Variants in NKIRAS2 observed in about 807,000 individuals in gnomAD.
The protein encoded by NKIRAS2 is NFKB inhibitor interacting Ras like 2, also known as NF-kappa-B inhibitor-interacting Ras-like protein 2.
In NKIRAS2, 15 loss-of-function variants were observed where a neutral mutation model predicts 20.7. That is an observed-to-expected ratio of 0.73 (90% CI 0.49 to 1.12). The LOEUF (loss-of-function observed/expected upper bound fraction) is 1.12, where lower values mean the gene tolerates loss of function less well. Among genes scored for constraint, NKIRAS2 ranks in the 50% most tolerant of loss-of-function variants. NKIRAS2 has a pLI of 0.00. For synonymous variants in NKIRAS2, 116 were observed against 101.4 expected (o/e 1.14, Z -0.87); for missense variants, 196 against 249.6 (o/e 0.79, Z 1.45).
At chr17:42,021,764 T>C in intron 2 of NKIRAS2, 93 bp downstream of exon 2, 1 of 1,208,728 alleles carries the variant, frequency 8.3e-7, no homozygotes, top group Non-Finnish European at 1.2e-6. Context: ...AAGCTGCTCC[T>C]GGTGGTTTTC....
At chr17:42,018,072 GGA>G (rs781823242), upstream of NKIRAS2, among the ~76,000 whole-genome samples, 4 of 152,116 alleles carry the variant, frequency 2.6e-5, no homozygotes, top group Non-Finnish European at 5.9e-5. Flanking sequence ...CAGCCGCCTG[GGA>G]GTGCCATCTC....
At chr17:42,020,993 C>T (rs1350395262) in intron 1 of NKIRAS2, 1 of 153,904 alleles carries the variant, frequency 6.5e-6, no homozygotes, top group African/African-American at 2.4e-5. Flanking sequence ...CCTCGGCCTC[C>T]CGAAGTGCTG....
upstream of NKIRAS2, among the ~76,000 whole-genome samples, chr17:42,019,776 A>G (rs1210993606): frequency 6.6e-6 from 1 of 152,222 alleles, no homozygotes; most frequent in Non-Finnish European, 1.5e-5. Context: ...CTCTCAGTAT[A>G]TGGCCCTGCA....
rs782435846 is a variant in NKIRAS2 at position 42,022,511 on chromosome 17, C to T, written c.207C>T (p.Ala69=). Residue 69 remains alanine, a synonymous_variant, in exon 3 of 4, where the codon GCC becomes GCT. Transcript: ENST00000393885. ...ACACCCGGGGGCTCCGAGATGGGGCCGAACTGCCCCGACACTGCTTCTCTT... is the reference window on the plus strand; with the variant it reads ...ACACCCGGGGGCTCCGAGATGGGGCTGAACTGCCCCGACACTGCTTCTCTT... ...FYDTRGLRDG[A]ELPRHCFSCT... 7.4e-6 allele frequency: 12 copies of T among 1,613,936 alleles called. No homozygotes were observed. Among genetic ancestry groups the T allele is most frequent in the South Asian group, 3.3e-5 (3 of 91,086 alleles).
intron 1 of NKIRAS2, chr17:42,021,152 G>T (rs1225900943): frequency 5.5e-6 from 1 of 180,764 alleles, no homozygotes; most frequent in Non-Finnish European, 1.2e-5. Flanking sequence ...GAGGAAGCTG[G>T]GCTGAGCTCC....
At chr17:42,021,869 A>C (rs1555653094) in intron 2 of NKIRAS2, 198 bp downstream of exon 2, 1 of 743,546 alleles carries the variant, frequency 1.3e-6, no homozygotes, top group African/African-American at 1.7e-5. Context: ...GATAGGAAAG[A>C]GAAGCTGTCA....
In NKIRAS2 at chr17:42,022,551, G is replaced by A. The variant is rs781865880; in HGVS notation, c.247G>A (p.Val83Ile). The A allele has an allele frequency of 6.2e-6, 10 of 1,614,020 alleles. No homozygotes were observed. Among genetic ancestry groups the A allele is most frequent in the South Asian group, 2.2e-5 (2 of 91,092 alleles). The change falls in exon 3 of 4, where the codon GTC becomes ATC. Residue 83 changes from valine (V) to isoleucine (I), a missense_variant. Coordinates refer to ENST00000393885, the MANE Select transcript of NKIRAS2 (RefSeq NM_017595.6). ...CTGCTTCTCTTGCACTGATGGCTAC[G>A]TCCTGGTCTATAGCACAGATAGCAG... ...RHCFSCTDGY[V>I]LVYSTDSRES...
intron 1 of NKIRAS2, chr17:42,021,149 C>G (rs1282532179): frequency 2.1e-4 from 37 of 179,362 alleles, no homozygotes; most frequent in Non-Finnish European, 6.1e-5. Context: ...AGAGAGGAAG[C>G]TGGGCTGAGC....
At chr17:42,021,947 C>T (rs555337294) in intron 2 of NKIRAS2, 17 of 622,368 alleles carry the variant, frequency 2.7e-5, no homozygotes, top group Middle Eastern at 3.0e-4. Context: ...CGGTGGATCA[C>T]GCCTGTAATC....
rs782354682 is a variant in NKIRAS2 at position 42,023,773 on chromosome 17, G to T, written c.456G>T (p.Ala152=). The T allele has an allele frequency of 1.9e-6, 3 of 1,614,132 alleles. No individual in the cohort carries two copies. The highest frequency in any genetic ancestry group is 2.7e-5 in the African/African-American group (2 of 75,006). ...TGAAGCTGTGGGAGGTGTCAGTGGC[G>T]GACCGGCGCTCCCTCCTGGAGCCCT... ...EKVKLWEVSV[A]DRRSLLEPFV... The change falls in exon 4 of 4, where the codon GCG becomes GCT. Residue 152 remains alanine (A), a synonymous_variant. Coordinates refer to ENST00000393885, the MANE Select transcript of NKIRAS2 (RefSeq NM_017595.6).
upstream of NKIRAS2, among the ~76,000 whole-genome samples, chr17:42,018,006 A>G (rs1555652299): frequency 6.6e-6 from 1 of 151,948 alleles, no homozygotes; most frequent in Admixed American, 6.6e-5. Flanking sequence ...ATCTCCAAAC[A>G]CCAACTGGTT....
chr17:42,017,581 T>C (rs1364296752), upstream of NKIRAS2: 14 of 836,162 alleles, frequency 1.7e-5, no homozygotes, highest in East Asian at 2.7e-5. Context: ...CCCCCGGATG[T>C]CCACGGTGGT....
At chr17:42,020,465 G>C (rs377584823) in intron 1 of NKIRAS2, 2 of 152,244 alleles carry the variant, frequency 1.3e-5, no homozygotes, top group South Asian at 2.1e-4. Context: ...TCTGCTCTCT[G>C]GGGGGGATCT....
upstream of NKIRAS2, among the ~76,000 whole-genome samples, chr17:42,019,294 A>G (rs1834610645): frequency 6.6e-6 from 1 of 152,102 alleles, no homozygotes; most frequent in Non-Finnish European, 1.5e-5. Flanking sequence ...CAACAACAAC[A>G]ACAAAACAAC....
At position 42,024,022 on chromosome 17, in the gene NKIRAS2, G is replaced by C; in HGVS notation, c.*129G>C. On this transcript the variant is annotated 3_prime_UTR_variant, in exon 4 of 4. Coordinates refer to ENST00000393885, the MANE Select transcript of NKIRAS2 (RefSeq NM_017595.6). ...GCCAGGGAGCTCCCCGCCAGGCCAC[G>C]CCCCAGCCACTTTGCTCCCTCTCAC... 1 of 1,418,872 alleles carries C rather than the reference G, an allele frequency of 7.0e-7. No homozygotes were observed. The highest frequency in any genetic ancestry group is 9.3e-7 in the Non-Finnish European group (1 of 1,072,198). 87.9% of individuals were successfully genotyped at this position (1,418,872 alleles called of 1,614,324 possible).
rs201815037 is a variant in NKIRAS2, at chr17:42,023,671, T to G, written c.354T>G (p.Leu118=). Residue 118 remains leucine, a synonymous_variant, in exon 4 of 4, where the codon CTT becomes CTG. Coordinates refer to ENST00000393885, the MANE Select transcript of NKIRAS2 (RefSeq NM_017595.6). ...TTCCCCAGGTCACCATCGTGGTCCT[T>G]GGCAACAAGTGTGACTTACAGGAGC... ...KDKKEVTIVV[L]GNKCDLQEQR... 1.7e-5 allele frequency: 27 copies of G among 1,614,022 alleles called. No individual in the cohort carries two copies. The highest frequency in any genetic ancestry group is 2.2e-5 in the Non-Finnish European group (26 of 1,180,014).
At chr17:42,021,530 C>G in intron 1 of NKIRAS2, 34 bp from the exon 2 acceptor site, 2 of 1,570,288 alleles carry the variant, frequency 1.3e-6, no homozygotes, top group South Asian at 2.2e-5. Context: ...TGCTTTCTTT[C>G]CTCACCTTAC....
Position 42,022,205 on chromosome 17 carries a change from G to A in NKIRAS2, c.95-194G>A, listed in dbSNP as rs529105793. The A allele has an allele frequency of 7.1e-4, 430 of 604,058 alleles. 2 individuals carry two copies. Among genetic ancestry groups the A allele is most frequent in the African/African-American group, 6.4e-3 (345 of 54,044 alleles). 37.4% of individuals were successfully genotyped at this position (604,058 alleles called of 1,614,324 possible). ...GCCTGGGCAACGAGAGCAAAACTCC[G>A]TCTCAAAAAAAGAAAGAAATTAATG... On this transcript the variant is annotated intron_variant, in intron 2 of 3. Transcript: ENST00000393885.
Position 42,023,858 on chromosome 17 carries a change from C to T in NKIRAS2, c.541C>T (p.Arg181Trp), listed in dbSNP as rs1343264938. ...GAGCAAGTCTGCCTTCCCCCTCAGC[C>T]GGAAGAACAAGGGCAGCGGCTCCTT... The part of the protein sequence containing the change: ...PQSKSAFPLS[R>W]KNKGSGSLDG The change falls in exon 4 of 4, where the codon CGG becomes TGG. Residue 181 changes from arginine (R) to tryptophan (W), a missense_variant. Coordinates refer to ENST00000393885, the MANE Select transcript of NKIRAS2 (RefSeq NM_017595.6). 4 of 1,614,146 alleles carry T rather than the reference C, an allele frequency of 2.5e-6. No individual in the cohort carries two copies. Among genetic ancestry groups the T allele is most frequent in the Middle Eastern group, 1.6e-4 (1 of 6,062 alleles).
Sources: gnomAD v4.1 joint callset for allele counts (sites outside exome capture counted in the v4.1 genomes callset) on GRCh38, gnomAD v4.1.1 for gene constraint, MANE v1.5 for transcripts, NCBI Gene and HGNC (gene_info 2026-07-23, HGNC 2026-07-21) for gene names.